The following C6orf62 variants were observed in gnomAD, a reference collection of about 807,000 sequenced individuals.
C6orf62 encodes chromosome 6 open reading frame 62.
In C6orf62, 16 loss-of-function variants were observed where a neutral mutation model predicts 26.8. That is an observed-to-expected ratio of 0.60 (90% CI 0.40 to 0.91). The LOEUF is 0.91. C6orf62 is among the 40% of genes least tolerant of loss of function. The probability of loss-of-function intolerance (pLI) is 0.00; values close to 1 mark genes in which losing one functional copy is unlikely to be tolerated. For synonymous variants in C6orf62, 112 were observed against 91.5 expected, an observed-to-expected ratio of 1.22 and a Z score of -1.28; for missense variants, 192 against 271.4, an observed-to-expected ratio of 0.71 and a Z score of 2.06.
chr6:24,709,001 C>G, intron 3 of C6orf62, 90 bp from the exon 4 acceptor site: 1 of 1,548,730 alleles, frequency 6.5e-7, no homozygotes, highest in South Asian at 1.2e-5. Flanking sequence ...TCCAATAAAG[C>G]AGCCAACAGT....
chr6:24,715,955 C>G (rs1446106844), intron 2 of C6orf62, among the ~76,000 whole-genome samples, 193 bp downstream of exon 2: 1 of 148,334 alleles, frequency 6.7e-6, no homozygotes, highest in Admixed American at 6.8e-5. Context: ...CGTAAAAAAA[C>G]GTGTTTTTCT....
At chr6:24,708,642 T>C in intron 4 of C6orf62, 135 bp downstream of exon 4, 1 of 1,220,064 alleles carries the variant, frequency 8.2e-7, no homozygotes, top group Non-Finnish European at 1.2e-6. Flanking sequence ...CCAGCCTATT[T>C]TTTGCTTTTT....
chr6:24,716,143 C>T lies in C6orf62; in HGVS notation c.306+5G>A, dbSNP rs200582981. ...TATCAAGTCAAGACTTAAGGCAGAA[C>T]TTACCCTTCTCATAGACTGATATCG... is the stretch of plus-strand genomic sequence containing the variant. On this transcript the variant is annotated splice_donor_5th_base_variant and intron_variant, in intron 2 of 4. Coordinates refer to ENST00000378119, the MANE Select transcript of C6orf62 (RefSeq NM_030939.5). 358 of 1,612,292 alleles carry T rather than the reference C, an allele frequency of 2.2e-4. No individual in the cohort carries two copies. The highest frequency in any genetic ancestry group is 6.6e-4 in the Middle Eastern group (4 of 6,060).
At chr6:24,707,126 A>C (rs1170490574) in intron 4 of C6orf62, 2 of 152,218 alleles carry the variant, frequency 1.3e-5, no homozygotes, top group African/African-American at 4.8e-5. Flanking sequence ...CTACAAATGT[A>C]AATAAACCTA....
At chr6:24,716,691 T>C (rs1237502853) in intron 1 of C6orf62, among the ~76,000 whole-genome samples, 1 of 152,128 alleles carries the variant, frequency 6.6e-6, no homozygotes, top group Non-Finnish European at 1.5e-5. Context: ...ACTTTCTCAA[T>C]ATTACATTAT....
chr6:24,719,793 G>A, upstream of C6orf62: 2 of 1,547,542 alleles, frequency 1.3e-6, no homozygotes, highest in South Asian at 2.4e-5. Context: ...GCGGTGCCCG[G>A]AGACCACCTG....
At chr6:24,710,924 C>CA (rs1779108677) in intron 3 of C6orf62, among the ~76,000 whole-genome samples, 1 of 151,920 alleles carries the variant, frequency 6.6e-6, no homozygotes, top group African/African-American at 2.4e-5. Context: ...CCTGGGAGTT[C>CA]AAGGCTGCAG....
chr6:24,709,464 T>C (rs1273397207), intron 3 of C6orf62: 1 of 977,586 alleles, frequency 1.0e-6, no homozygotes, highest in Non-Finnish European at 1.2e-6. Context: ...CACAACTCAC[T>C]AGTTACGTGA....
At chr6:24,717,682 T>A (rs958890133) in intron 1 of C6orf62, among the ~76,000 whole-genome samples, 5 of 152,204 alleles carry the variant, frequency 3.3e-5, no homozygotes, top group Admixed American at 2.0e-4. Flanking sequence ...AACTTCCAGA[T>A]ACTTAATAGA....
chr6:24,707,438 T>A (rs1229221771), intron 4 of C6orf62, among the ~76,000 whole-genome samples: 1 of 151,030 alleles, frequency 6.6e-6, no homozygotes, highest in Non-Finnish European at 1.5e-5. Context: ...TCACTGCAAC[T>A]CTAAACTCCT....
rs1357482172 is a variant in C6orf62, at chr6:24,711,151, TTGAG to T, written c.430-2244_430-2241del. On this transcript the variant is annotated intron_variant, in intron 3 of 4. Coordinates refer to ENST00000378119, the MANE Select transcript of C6orf62 (RefSeq NM_030939.5). ...ACCGGTAACCACACTGAAAAAAGGT[TTGAG>T]TGAGACTGAAAAAGGCCTTCCTTAT... Among the ~76,000 whole-genome samples, 12 of 152,244 alleles carry T rather than the reference TTGAG, an allele frequency of 7.9e-5. No individual in the cohort carries two copies. The East Asian group carries it at 1.4e-3, about 17-fold the overall frequency.
At chr6:24,712,613 T>C (rs902035977) in intron 3 of C6orf62, among the ~76,000 whole-genome samples, 2 of 144,754 alleles carry the variant, frequency 1.4e-5, no homozygotes, top group African/African-American at 2.6e-5. Flanking sequence ...AGGCAGAGGT[T>C]GCAAGGAGGA....
At chr6:24,719,602 C>A (rs1779311296), upstream of C6orf62, 2 of 1,404,866 alleles carry the variant, frequency 1.4e-6, no homozygotes, top group African/African-American at 2.9e-5. Flanking sequence ...ATTATTCCGG[C>A]TCTGTGGTTA....
chr6:24,711,235 A>G (rs189251882), intron 3 of C6orf62, among the ~76,000 whole-genome samples: 2 of 146,510 alleles, frequency 1.4e-5, no homozygotes, highest in East Asian at 4.0e-4. Context: ...CTGAAAAGAA[A>G]TGGTACACAC....
chr6:24,719,947 G>C, upstream of C6orf62: 1 of 1,550,230 alleles, frequency 6.5e-7, no homozygotes, highest in Non-Finnish European at 8.7e-7. Flanking sequence ...GGCGGGAGAG[G>C]GTAAATGGGA....
Position 24,711,239 on chromosome 6 carries a change from T to TACAC in C6orf62, c.430-2332_430-2329dup, listed in dbSNP as rs143267331. 1.0e-4 allele frequency among the ~76,000 whole-genome samples: 14 copies of TACAC among 138,756 alleles called. No homozygotes were observed. The South Asian group carries it at 1.5e-3, about 15-fold the overall frequency. 91.0% of individuals were successfully genotyped at this position (138,756 alleles called of 152,430 possible). A position where few individuals can be genotyped will look rare whatever the true frequency, so the allele number is the denominator to read the frequency against. ...TATCCACTTATCTGAAAAGAAATGG[T>TACAC]ACACACACACACACACAAACACACA... On this transcript the variant is annotated intron_variant, in intron 3 of 4. Coordinates refer to ENST00000378119, the MANE Select transcript of C6orf62 (RefSeq NM_030939.5).
intron 3 of C6orf62, chr6:24,709,186 G>A: frequency 5.1e-6 from 5 of 977,744 alleles, no homozygotes; most frequent in Non-Finnish European, 6.1e-6. Context: ...AATCTCTTGA[G>A]ATACAGAACA....
At chr6:24,708,682 G>T in intron 4 of C6orf62, 95 bp downstream of exon 4, 1 of 1,498,230 alleles carries the variant, frequency 6.7e-7, no homozygotes, top group South Asian at 1.2e-5. Flanking sequence ...GCAGTGTTTG[G>T]GGGACACAAC....
chr6:24,713,065 C>T (rs10946722), intron 3 of C6orf62, among the ~76,000 whole-genome samples: 1 of 152,076 alleles, frequency 6.6e-6, no homozygotes, highest in African/African-American at 2.4e-5. Flanking sequence ...AGATGCTCCA[C>T]GACTTGTGAT....
Sources: gnomAD v4.1 joint callset for allele counts (sites outside exome capture counted in the v4.1 genomes callset) on GRCh38, gnomAD v4.1.1 for gene constraint, MANE v1.5 for transcripts, NCBI Gene and HGNC (gene_info 2026-07-23, HGNC 2026-07-21) for gene names.